The following ATXN2 variants were observed in gnomAD, a reference collection of about 807,000 sequenced individuals.
The protein encoded by ATXN2 is ataxin-2.
A neutral mutation model predicts 138.6 loss-of-function variants in ATXN2; 37 were observed. The observed-to-expected ratio is 0.27, with a 90% CI of 0.21 to 0.35. The LOEUF (loss-of-function observed/expected upper bound fraction) is 0.35, where lower values mean the gene tolerates loss of function less well. ATXN2 is among the 10% of genes least tolerant of loss of function. The pLI is 1.00. For missense variants in ATXN2, 1,216 were observed against 1,480.3 expected (o/e 0.82, Z 2.93); for synonymous variants, 549 against 543.7 (o/e 1.01, Z -0.13).
chr12:111,485,404 T>C, intron 17 of ATXN2, 73 bp from the exon 18 acceptor site: 4 of 1,397,628 alleles, frequency 2.9e-6, no homozygotes, highest in Non-Finnish European at 3.0e-6. Context: ...ACTCTTAGTT[T>C]TATATTGCTA....
At chr12:111,504,698 G>A (rs982607909) in intron 14 of ATXN2, among the ~76,000 whole-genome samples, 3 of 152,106 alleles carry the variant, frequency 2.0e-5, no homozygotes, top group Non-Finnish European at 4.4e-5. Context: ...ATGGTTATGT[G>A]TCAATTAGAA....
intron 6 of ATXN2, 27 bp downstream of exon 6, chr12:111,525,165 A>T: frequency 6.3e-7 from 1 of 1,598,048 alleles, no homozygotes. Flanking sequence ...ACCAGAGTCT[A>T]GCAATAATTA....
At chr12:111,595,954 T>C (rs1401678587) in intron 1 of ATXN2, among the ~76,000 whole-genome samples, 2 of 151,626 alleles carry the variant, frequency 1.3e-5, no homozygotes, top group Non-Finnish European at 2.9e-5. Context: ...TCCCAGCACT[T>C]TGGGAGGCCA....
At chr12:111,556,771 G>A (rs1055580034) in intron 1 of ATXN2, among the ~76,000 whole-genome samples, 7 of 147,856 alleles carry the variant, frequency 4.7e-5, no homozygotes, top group Non-Finnish European at 8.9e-5. Flanking sequence ...AGCTGAGACC[G>A]CCCCATTGTA....
At chr12:111,489,540 G>A (rs938780727) in intron 14 of ATXN2, among the ~76,000 whole-genome samples, 17 of 151,506 alleles carry the variant, frequency 1.1e-4, no homozygotes, top group African/African-American at 4.1e-4. Flanking sequence ...GTGAACCTGG[G>A]AAGTGGAGCT....
intron 20 of ATXN2, among the ~76,000 whole-genome samples, chr12:111,467,755 C>G (rs1876124497): frequency 1.3e-5 from 2 of 152,090 alleles, no homozygotes; most frequent in African/African-American, 4.8e-5. Context: ...GTCTAAGGCC[C>G]CACTGCTCTT....
Position 111,518,346 on chromosome 12 carries a change from C to G in ATXN2, c.1068G>C (p.Met356Ile). 2 of 1,613,546 alleles carry G rather than the reference C, an allele frequency of 1.2e-6. No homozygotes were observed. Among genetic ancestry groups the G allele is most frequent in the Non-Finnish European group, 1.7e-6 (2 of 1,179,620 alleles). The change falls in exon 9 of 25, where the codon ATG becomes ATC. Residue 356 changes from methionine (M) to isoleucine (I), a missense_variant. By Grantham distance (10) the Met-to-Ile change is conservative. Coordinates refer to ENST00000673436, the MANE Select transcript of ATXN2 (RefSeq NM_001372574.1). ...GCATGGAGCCCGATCCAGGCTGGCC[C>G]ATACGCGGTGAATTCTGTCTCCCAC... ...WGSGRQNSPR[M>I]GQPGSGSMPS... is the part of the protein sequence containing the mutation.
In ATXN2 at chr12:111,595,367, C is replaced by A. The variant is rs968251240; in HGVS notation, c.251+3417G>T. ...GTTAAGTAAAAACCTTACAGCCGGG[C>A]GCAGTGGCTCACGCCTGCAATCCCA... is the stretch of plus-strand genomic sequence containing the variant. On this transcript the variant is annotated intron_variant, in intron 1 of 24. Coordinates refer to ENST00000673436, the MANE Select transcript of ATXN2 (RefSeq NM_001372574.1). Among the ~76,000 whole-genome samples the A allele has an allele frequency of 3.3e-5, 5 of 152,328 alleles. No individual in the cohort carries two copies. The East Asian group carries it at 9.6e-4, about 29-fold the overall frequency.
At chr12:111,471,582 A>T (rs1026088878) in intron 18 of ATXN2, 2 of 152,230 alleles carry the variant, frequency 1.3e-5, no homozygotes, top group African/African-American at 4.8e-5. Flanking sequence ...GAACTTGTTC[A>T]TAAAATCCTA....
chr12:111,461,938 A>G (rs1223615848), intron 21 of ATXN2, among the ~76,000 whole-genome samples: 1 of 151,820 alleles, frequency 6.6e-6, no homozygotes, highest in East Asian at 1.9e-4. Context: ...AAAAAAAAAA[A>G]AAAGGAACCA....
At chr12:111,511,227 C>T (rs1051657174) in intron 11 of ATXN2, 2 of 150,304 alleles carry the variant, frequency 1.3e-5, no homozygotes, top group Non-Finnish European at 2.9e-5. Context: ...GAAAATGGTT[C>T]GATTATTTCA....
At chr12:111,567,356 C>A (rs571436740) in intron 1 of ATXN2, among the ~76,000 whole-genome samples, 2 of 152,008 alleles carry the variant, frequency 1.3e-5, no homozygotes, top group South Asian at 4.2e-4. Flanking sequence ...AAAAATTAGC[C>A]TGGCGTGGTG....
intron 1 of ATXN2, among the ~76,000 whole-genome samples, chr12:111,577,896 C>G (rs1002970474): frequency 7.2e-5 from 11 of 151,738 alleles, no homozygotes; most frequent in African/African-American, 2.7e-4. Flanking sequence ...CTGGGCAATA[C>G]AGCAAGACCT....
chr12:111,597,041 G>A (rs1311748990), intron 1 of ATXN2, among the ~76,000 whole-genome samples: 2 of 150,902 alleles, frequency 1.3e-5, no homozygotes, highest in African/African-American at 2.4e-5. Flanking sequence ...TTCATTTTTC[G>A]CTAGATGCCA....
chr12:111,498,013 C>T (rs1878536095), intron 14 of ATXN2, among the ~76,000 whole-genome samples: 1 of 151,976 alleles, frequency 6.6e-6, no homozygotes, highest in African/African-American at 2.4e-5. Flanking sequence ...GAGACTCCAT[C>T]TCAAAAACAA....
intron 3 of ATXN2, among the ~76,000 whole-genome samples, chr12:111,553,660 G>A (rs915642683): frequency 1.4e-5 from 2 of 143,398 alleles, no homozygotes; most frequent in Non-Finnish European, 3.0e-5. Context: ...GAGTGCAGGG[G>A]CATTATCTCA....
intron 22 of ATXN2, among the ~76,000 whole-genome samples, 155 bp from the exon 23 acceptor site, chr12:111,456,411 G>A (rs7962830): frequency 9.2e-4 from 123 of 134,284 alleles, no homozygotes; most frequent in Admixed American, 2.5e-3. Flanking sequence ...AAGGCTGGAG[G>A]TGCCTCCCAT....
At chr12:111,587,672 A>T (rs1180419999) in intron 1 of ATXN2, among the ~76,000 whole-genome samples, 2 of 150,058 alleles carry the variant, frequency 1.3e-5, no homozygotes, top group African/African-American at 2.5e-5. Flanking sequence ...AAGGAAATTT[A>T]AAAAAAAACT....
intron 14 of ATXN2, among the ~76,000 whole-genome samples, chr12:111,492,902 T>C (rs372373396): frequency 5.3e-5 from 8 of 152,268 alleles, no homozygotes; most frequent in Admixed American, 1.3e-4. Flanking sequence ...TCAAGCTGAA[T>C]GCTTTGAGAA....
Sources: allele counts gnomAD v4.1 joint callset (sites outside exome capture counted in the v4.1 genomes callset), GRCh38; gene constraint gnomAD v4.1.1; transcripts MANE v1.5; gene names NCBI Gene and HGNC (gene_info 2026-07-23, HGNC 2026-07-21).